NOL4: variants seen among roughly 807,000 people sequenced by gnomAD.
NOL4 encodes the protein nucleolar protein 4.
A neutral mutation model predicts 75.9 loss-of-function variants in NOL4; 17 were observed. The observed-to-expected ratio is 0.22, with a 90% confidence interval of 0.15 to 0.34. The LOEUF (loss-of-function observed/expected upper bound fraction) is 0.34, where lower values mean the gene tolerates loss of function less well. NOL4 is among the 10% of genes least tolerant of loss of function. The pLI, the probability that NOL4 is intolerant of heterozygous loss-of-function variation, is 1.00. For missense variants in NOL4, 614 were observed against 793.5 expected, an observed-to-expected ratio of 0.77 and a Z score of 2.72; for synonymous variants, 292 against 289.9, an observed-to-expected ratio of 1.01 and a Z score of -0.07.
intron 6 of NOL4, among the ~76,000 whole-genome samples, chr18:33,971,164 T>A (rs1423021663): frequency 6.6e-6 from 1 of 152,242 alleles, no homozygotes; most frequent in East Asian, 1.9e-4. Flanking sequence ...TTCTCCTGTT[T>A]CCATTTCCCT....
intron 5 of NOL4, among the ~76,000 whole-genome samples, chr18:34,056,719 C>T (rs1477396097): frequency 6.6e-6 from 1 of 152,132 alleles, no homozygotes; most frequent in Non-Finnish European, 1.5e-5. Flanking sequence ...CATGGGCATG[C>T]AAAATTCTCT....
At chr18:34,064,873 T>C (rs901011727) in intron 5 of NOL4, among the ~76,000 whole-genome samples, 37 of 151,668 alleles carry the variant, frequency 2.4e-4, no homozygotes, top group African/African-American at 8.0e-4. Context: ...CTGTAATGCA[T>C]AAAAATTTCA....
At chr18:34,153,277 C>T (rs935178546) in intron 1 of NOL4, among the ~76,000 whole-genome samples, 5 of 151,796 alleles carry the variant, frequency 3.3e-5, no homozygotes, top group Admixed American at 6.6e-5. Context: ...CTAGAAGGCT[C>T]GAATCATGAA....
At chr18:33,891,961 G>C (rs183764898) in intron 9 of NOL4, among the ~76,000 whole-genome samples, 1 of 152,186 alleles carries the variant, frequency 6.6e-6, no homozygotes. Flanking sequence ...TACAATAAAT[G>C]AAACTTCCAA....
chr18:34,158,381 G>T (rs929724844), intron 1 of NOL4, among the ~76,000 whole-genome samples: 3 of 152,146 alleles, frequency 2.0e-5, no homozygotes, highest in African/African-American at 7.2e-5. Context: ...CACCTGAGCT[G>T]AGTGTAAGTA....
At chr18:34,158,366 T>A (rs538123730) in intron 1 of NOL4, among the ~76,000 whole-genome samples, 182 of 152,310 alleles carry the variant, frequency 1.2e-3, no homozygotes, top group Admixed American at 3.9e-3. Flanking sequence ...ATGCACTAAA[T>A]CTTGCACCTG....
chr18:34,209,816 T>C (rs1437820447), intron 1 of NOL4, among the ~76,000 whole-genome samples: 1 of 152,162 alleles, frequency 6.6e-6, no homozygotes, highest in East Asian at 1.9e-4. Flanking sequence ...TAAATATTGA[T>C]TTAAAGGGGT....
intron 4 of NOL4, among the ~76,000 whole-genome samples, chr18:34,100,102 C>T (rs2078978122): frequency 6.6e-6 from 1 of 151,640 alleles, no homozygotes. Flanking sequence ...ATAATCTCCA[C>T]CACTATTTCC....
chr18:34,143,262 C>T (rs1485716259), intron 1 of NOL4, among the ~76,000 whole-genome samples: 6 of 152,026 alleles, frequency 3.9e-5, no homozygotes, highest in Non-Finnish European at 7.4e-5. Flanking sequence ...CTCTTGAAAA[C>T]ATACATAATA....
chr18:34,024,809 A>T (rs2075266927), intron 5 of NOL4, among the ~76,000 whole-genome samples: 1 of 152,144 alleles, frequency 6.6e-6, no homozygotes, highest in Non-Finnish European at 1.5e-5. Context: ...CCTGGGGGAG[A>T]TGATTAAAAA....
intron 10 of NOL4, among the ~76,000 whole-genome samples, chr18:33,873,504 A>G (rs181898242): frequency 6.6e-6 from 1 of 152,126 alleles, no homozygotes; most frequent in East Asian, 1.9e-4. Context: ...TTTCTCTAAA[A>G]CGTTTGATAT....
At chr18:34,114,811 T>C (rs2079772510) in intron 2 of NOL4, among the ~76,000 whole-genome samples, 1 of 151,648 alleles carries the variant, frequency 6.6e-6, no homozygotes, top group Admixed American at 6.6e-5. Flanking sequence ...GTAAATTTAA[T>C]GGACCATGGG....
At chr18:33,955,230 A>C (rs1421756375) in intron 8 of NOL4, among the ~76,000 whole-genome samples, 1 of 152,074 alleles carries the variant, frequency 6.6e-6, no homozygotes, top group Non-Finnish European at 1.5e-5. Flanking sequence ...GAATCGCTTA[A>C]TTCATTTTTA....
rs770614943 is a variant in NOL4, at chr18:34,223,137, G to T, written c.117C>A (p.Leu39=). 1.2e-6 allele frequency: 2 copies of T among 1,614,202 alleles called. No homozygotes were observed. Among genetic ancestry groups the T allele is most frequent in the Non-Finnish European group, 1.7e-6 (2 of 1,180,052 alleles). Residue 39 remains leucine (L), a synonymous_variant, in exon 1 of 11, where the codon CTC becomes CTA. Coordinates refer to ENST00000261592, the MANE Select transcript of NOL4 (RefSeq NM_003787.5). The stretch of plus-strand genomic sequence containing the variant: ...TGGAGCTCGACTCGGAGCCATTGAG[G>T]AGCTGGACGATCCGTTCGTATTTTT... ...TRKKYERIVQ[L]LNGSESSSTD... is the part of the protein sequence containing the mutation.
chr18:34,024,194 A>AAAAATATATATAT, intron 5 of NOL4, among the ~76,000 whole-genome samples: 12 of 70,682 alleles, frequency 1.7e-4, no homozygotes, highest in African/African-American at 5.3e-4. Flanking sequence ...AAAAAAAAAA[A>AAAAATATATATAT]ATATATATAT....
intron 1 of NOL4, among the ~76,000 whole-genome samples, chr18:34,208,344 G>C (rs1322923981): frequency 6.6e-6 from 1 of 151,862 alleles, no homozygotes; most frequent in South Asian, 2.1e-4. Flanking sequence ...AGACTCATGA[G>C]CCCTACCCTG....
intron 1 of NOL4, among the ~76,000 whole-genome samples, chr18:34,204,120 A>G (rs1167604553): frequency 2.0e-5 from 3 of 152,092 alleles, no homozygotes; most frequent in Non-Finnish European, 2.9e-5. Flanking sequence ...AAACTTTAGT[A>G]TGTGCATATA....
At chr18:33,869,421 G>A (rs1000308184) in intron 10 of NOL4, among the ~76,000 whole-genome samples, 1 of 151,918 alleles carries the variant, frequency 6.6e-6, no homozygotes, top group African/African-American at 2.4e-5. Context: ...ATTGGGGTGG[G>A]TAGATCCTGC....
intron 10 of NOL4, among the ~76,000 whole-genome samples, chr18:33,853,816 T>C (rs1047634787): frequency 3.3e-5 from 5 of 152,084 alleles, no homozygotes; most frequent in Non-Finnish European, 5.9e-5. Context: ...TGCCGAAACC[T>C]TTTTTTCTTA....
Sources: gnomAD v4.1 joint callset for allele counts (sites outside exome capture counted in the v4.1 genomes callset) on GRCh38, gnomAD v4.1.1 for gene constraint, MANE v1.5 for transcripts, NCBI Gene and HGNC (gene_info 2026-07-23, HGNC 2026-07-21) for gene names.